Variants in NCOA2 observed in about 807,000 individuals in gnomAD.
The protein encoded by NCOA2 is nuclear receptor coactivator 2.
Under a neutral mutation model 145.1 loss-of-function variants are expected in NCOA2, and 21 were observed. The ratio of observed to expected loss-of-function variants is 0.14; its 90% CI spans 0.10 to 0.21. The LOEUF (loss-of-function observed/expected upper bound fraction) is 0.21. Ranked by LOEUF, NCOA2 falls within the 10% of genes least tolerant of loss-of-function variation. NCOA2 has a pLI of 1.00. For missense variants in NCOA2, 1,472 were observed against 1,837.6 expected, an observed-to-expected ratio of 0.80 and a Z score of 3.64; for synonymous variants, 619 against 637.5, an observed-to-expected ratio of 0.97 and a Z score of 0.44.
chr8:70,453,667 T>C, the NCOA2 span, among the ~76,000 whole-genome samples: 1 of 152,230 alleles, frequency 6.6e-6, no homozygotes, highest in Non-Finnish European at 1.5e-5. Context: ...GGGCTATCTA[T>C]TCTGCCTGAA....
chr8:70,316,075 T>C (rs1177906552), intron 1 of NCOA2, among the ~76,000 whole-genome samples: 1 of 152,196 alleles, frequency 6.6e-6, no homozygotes. Flanking sequence ...ACATGCTTTC[T>C]AGGGAGAGTC....
chr8:70,185,520 G>GA lies in NCOA2; in HGVS notation c.260-10662dup. 2.6e-5 allele frequency among the ~76,000 whole-genome samples: 4 copies of GA among 152,304 alleles called. No individual in the cohort carries two copies. The South Asian group carries it at 8.3e-4, about 32-fold the overall frequency. On this transcript the variant is annotated intron_variant, in intron 4 of 22. Coordinates refer to ENST00000452400, the MANE Select transcript of NCOA2 (RefSeq NM_006540.4). ...CAGCAGACTCCAGGGAGCAAAACAA[G>GA]AAAGACCATGAGAACAAAGGAAGTA...
At position 70,170,154 on chromosome 8, in the gene NCOA2, C is replaced by T. The variant is rs770848602; in HGVS notation, c.541+48G>A. On this transcript the variant is annotated intron_variant, in intron 6 of 22. Transcript: ENST00000452400. ...AAGACACTGTGTGTATGAGGCAGGG[C>T]AGGTGGGGGTGACGGGAGGTAGGGA... is the stretch of plus-strand genomic sequence containing the variant. 2.6e-6 allele frequency: 4 copies of T among 1,552,450 alleles called. No homozygotes were observed. The Admixed American group carries it at 5.3e-5, about 20-fold the overall frequency.
At chr8:70,150,970 A>G (rs945337777) in intron 11 of NCOA2, among the ~76,000 whole-genome samples, 1 of 152,210 alleles carries the variant, frequency 6.6e-6, no homozygotes, top group African/African-American at 2.4e-5. Flanking sequence ...AAAAGCCTCT[A>G]ATAAACTGAG....
chr8:70,296,040 C>A (rs1041284588), intron 2 of NCOA2, among the ~76,000 whole-genome samples: 2 of 152,154 alleles, frequency 1.3e-5, no homozygotes, highest in East Asian at 3.8e-4. Flanking sequence ...ATGTTTATTA[C>A]CCGATAATTA....
intron 1 of NCOA2, among the ~76,000 whole-genome samples, chr8:70,371,054 G>A (rs562519405): frequency 2.0e-5 from 3 of 152,230 alleles, no homozygotes; most frequent in Non-Finnish European, 2.9e-5. Context: ...TTGGGAGGCC[G>A]AGTCGGGCGG....
intron 1 of NCOA2, among the ~76,000 whole-genome samples, chr8:70,363,398 T>G (rs1035361727): frequency 2.7e-5 from 4 of 148,662 alleles, no homozygotes; most frequent in East Asian, 2.0e-4. Flanking sequence ...AAAAAAAAAG[T>G]AAACAAGTTT....
intron 1 of NCOA2, among the ~76,000 whole-genome samples, chr8:70,360,769 C>T (rs552682812): frequency 2.0e-5 from 3 of 152,066 alleles, no homozygotes; most frequent in Non-Finnish European, 4.4e-5. Context: ...GAAACCACAT[C>T]TCTACTAAAA....
At chr8:70,402,453 TAGAGGGAGGGGA>T (rs1026211145) in intron 1 of NCOA2, 9 of 151,268 alleles carry the variant, frequency 5.9e-5, no homozygotes, top group African/African-American at 2.2e-4. Flanking sequence ...CGGAAACCAC[TAGAGGGAGGGGA>T]AGAGGGAGGG....
intron 5 of NCOA2, among the ~76,000 whole-genome samples, chr8:70,172,910 T>C (rs908813132): frequency 6.6e-6 from 1 of 152,170 alleles, no homozygotes; most frequent in Non-Finnish European, 1.5e-5. Flanking sequence ...TGACATTTGG[T>C]TTTGTTGCCT....
chr8:70,236,638 C>T (rs903445429), intron 2 of NCOA2, among the ~76,000 whole-genome samples: 29 of 151,996 alleles, frequency 1.9e-4, no homozygotes, highest in South Asian at 4.2e-4. Context: ...GTTCTGTATT[C>T]GCAGATTCAG....
chr8:70,394,007 G>A (rs1239352827), intron 1 of NCOA2, among the ~76,000 whole-genome samples: 4 of 152,102 alleles, frequency 2.6e-5, no homozygotes, highest in African/African-American at 4.8e-5. Context: ...TATTAGGATC[G>A]TTAATTGATT....
the NCOA2 span, among the ~76,000 whole-genome samples, chr8:70,451,237 A>AAT: frequency 7.2e-3 from 501 of 69,424 alleles, 16 homozygotes; most frequent in African/African-American, 9.0e-3. Flanking sequence ...AAAAAAAAAA[A>AAT]ATATATATAT....
chr8:70,390,883 CCTCT>C (rs1813138167), intron 1 of NCOA2, among the ~76,000 whole-genome samples: 1 of 152,186 alleles, frequency 6.6e-6, no homozygotes. Context: ...TGACCAGGTA[CCTCT>C]CTCTGGTGTC....
rs373051604 is a variant in NCOA2 at position 70,148,342 on chromosome 8, G to A, written c.2536C>T (p.Leu846Phe). 2.2e-5 allele frequency: 35 copies of A among 1,614,020 alleles called. No individual in the cohort carries two copies. In the African/African-American group the frequency reaches 4.4e-4, roughly 20 times the overall value. Residue 846 changes from leucine (L) to phenylalanine (F), a missense_variant, in exon 12 of 23, where the codon CTC (leucine) becomes TTC (phenylalanine). Coordinates refer to ENST00000452400, the MANE Select transcript of NCOA2 (RefSeq NM_006540.4). ...GTGACAGGGCTGTTTTCAGCTGTGA[G>A]TTGCATGAGGTCATTGATGATGGCT... is the stretch of plus-strand genomic sequence containing the variant. The part of the protein sequence containing the change: ...KQAIINDLMQ[L>F]TAENSPVTPV...
At chr8:70,369,617 T>C (rs1318866328) in intron 1 of NCOA2, among the ~76,000 whole-genome samples, 2 of 149,118 alleles carry the variant, frequency 1.3e-5, no homozygotes, top group Non-Finnish European at 3.0e-5. Flanking sequence ...ATCCTTCGAT[T>C]TAGATCCTAC....
the NCOA2 span, among the ~76,000 whole-genome samples, chr8:70,448,802 T>C: frequency 8.5e-6 from 1 of 118,074 alleles, no homozygotes. Flanking sequence ...ACTTGTTGCC[T>C]GGCTTTTTTT....
At chr8:70,130,070 C>T (rs1485556561) in intron 16 of NCOA2, among the ~76,000 whole-genome samples, 2 of 152,196 alleles carry the variant, frequency 1.3e-5, no homozygotes, top group Non-Finnish European at 2.9e-5. Context: ...ATCAGCACAG[C>T]CCTAAGGCCA....
At chr8:70,175,657 G>A (rs954289465) in intron 4 of NCOA2, among the ~76,000 whole-genome samples, 1 of 152,202 alleles carries the variant, frequency 6.6e-6, no homozygotes, top group African/African-American at 2.4e-5. Flanking sequence ...TGGTAAAGTA[G>A]TTATTTCAAG....
Sources: allele counts gnomAD v4.1 joint callset (sites outside exome capture counted in the v4.1 genomes callset), GRCh38; gene constraint gnomAD v4.1.1; transcripts MANE v1.5; gene names NCBI Gene and HGNC (gene_info 2026-07-23, HGNC 2026-07-21).